MGAT4C: variants seen among roughly 807,000 people sequenced by gnomAD.
MGAT4C encodes the protein MGAT4 family member C.
In MGAT4C, 19 loss-of-function variants were observed where a neutral mutation model predicts 40.1. The observed-to-expected ratio is 0.47, with a 90% confidence interval of 0.33 to 0.70. The LOEUF (loss-of-function observed/expected upper bound fraction) is 0.70. Among genes scored for constraint, MGAT4C ranks in the 30% least tolerant of loss-of-function variants. The probability of loss-of-function intolerance (pLI) is 0.02; values close to 1 mark genes in which losing one functional copy is unlikely to be tolerated. For missense variants in MGAT4C, 491 were observed against 563.2 expected (o/e 0.87, Z 1.30); for synonymous variants, 181 against 187.1 (o/e 0.97, Z 0.27).
intron 1 of MGAT4C, among the ~76,000 whole-genome samples, chr12:86,055,018 C>A (rs939062906): frequency 3.9e-5 from 6 of 151,936 alleles, no homozygotes; most frequent in African/African-American, 1.2e-4. Flanking sequence ...TAACATCTTT[C>A]TGATCTTTTA....
chr12:86,176,261 C>T (rs1237323747), intron 1 of MGAT4C, among the ~76,000 whole-genome samples: 2 of 152,156 alleles, frequency 1.3e-5, no homozygotes, highest in South Asian at 2.1e-4. Context: ...CATACAGGAT[C>T]GTATGTTCTT....
At chr12:86,771,024 G>A (rs1346175435) in intron 1 of MGAT4C, among the ~76,000 whole-genome samples, 1 of 152,050 alleles carries the variant, frequency 6.6e-6, no homozygotes, top group Non-Finnish European at 1.5e-5. Context: ...GGTCATTAGG[G>A]TGAGTCCTAA....
At chr12:86,631,844 G>A (rs1014178298) in intron 2 of MGAT4C, among the ~76,000 whole-genome samples, 3 of 151,992 alleles carry the variant, frequency 2.0e-5, no homozygotes, top group African/African-American at 7.3e-5. Flanking sequence ...CATAGGCATG[G>A]GCAAGGACTT....
chr12:86,207,380 T>C (rs1010383217), intron 1 of MGAT4C, among the ~76,000 whole-genome samples: 1 of 152,124 alleles, frequency 6.6e-6, no homozygotes, highest in Admixed American at 6.5e-5. Context: ...CCTATCAACC[T>C]GTCATTTAGG....
At chr12:86,770,151 T>C (rs1215488729) in intron 1 of MGAT4C, among the ~76,000 whole-genome samples, 2 of 152,034 alleles carry the variant, frequency 1.3e-5, no homozygotes, top group African/African-American at 4.8e-5. Context: ...AGACTATTTT[T>C]TTTCATAGAA....
At chr12:86,755,888 T>C (rs1951296928) in intron 1 of MGAT4C, among the ~76,000 whole-genome samples, 1 of 152,000 alleles carries the variant, frequency 6.6e-6, no homozygotes, top group African/African-American at 2.4e-5. Context: ...ACTCAAGCAA[T>C]TGGCCAGCTT....
At chr12:86,411,222 A>G (rs916205530) in intron 3 of MGAT4C, among the ~76,000 whole-genome samples, 1 of 152,220 alleles carries the variant, frequency 6.6e-6, no homozygotes, top group Non-Finnish European at 1.5e-5. Context: ...CAACTTTGGT[A>G]CTGGGTAATG....
chr12:86,662,157 T>G (rs923705145), intron 2 of MGAT4C, among the ~76,000 whole-genome samples: 4 of 152,160 alleles, frequency 2.6e-5, no homozygotes, highest in Non-Finnish European at 4.4e-5. Flanking sequence ...TAGGCATTAA[T>G]GAGCCCAAGG....
chr12:86,269,469 G>C (rs1952887752), intron 4 of MGAT4C, among the ~76,000 whole-genome samples: 1 of 151,600 alleles, frequency 6.6e-6, no homozygotes, highest in Non-Finnish European at 1.5e-5. Context: ...GTCATAAAAT[G>C]TGATTGTTAG....
chr12:86,712,920 A>T (rs955187995), intron 2 of MGAT4C, among the ~76,000 whole-genome samples: 1 of 152,148 alleles, frequency 6.6e-6, no homozygotes. Context: ...CTATAAGACG[A>T]GTAATAAGCA....
In MGAT4C at chr12:86,394,662, C is replaced by T. The variant is rs1565729590; in HGVS notation, c.-120+40495G>A. 6.6e-5 allele frequency among the ~76,000 whole-genome samples: 9 copies of T among 136,972 alleles called. No homozygotes were observed. In the South Asian group the frequency reaches 1.8e-3, roughly 27 times the overall value. The allele number at this position is 136,972 out of a possible 152,430, so 89.9% of individuals were successfully genotyped here. A position where few individuals can be genotyped will look rare whatever the true frequency, so the allele number is the denominator to read the frequency against. Reference sequence around the variant, plus strand: ...TACTTTTTTTTTTTTGAGACAGAGTCTCTGTCTGTTGCAGTGGTAAGATCT... The same window carrying T: ...TACTTTTTTTTTTTTGAGACAGAGTTTCTGTCTGTTGCAGTGGTAAGATCT... On this transcript the variant is annotated intron_variant, in intron 3 of 7. Coordinates refer to the MGAT4C transcript ENST00000548651.
intron 1 of MGAT4C, among the ~76,000 whole-genome samples, chr12:86,222,278 CTT>C (rs1950910815): frequency 6.6e-6 from 1 of 152,144 alleles, no homozygotes; most frequent in Non-Finnish European, 1.5e-5. Flanking sequence ...TAATGTGTCT[CTT>C]TGTGCAGATA....
intron 2 of MGAT4C, among the ~76,000 whole-genome samples, chr12:86,704,507 C>T (rs949091603): frequency 1.3e-4 from 19 of 151,752 alleles, no homozygotes; most frequent in South Asian, 4.2e-4. Flanking sequence ...GGAAATGTCT[C>T]GGTTAACTTT....
intron 1 of MGAT4C, among the ~76,000 whole-genome samples, chr12:86,110,306 A>AGTC (rs376885011): frequency 1.7e-3 from 26 of 15,174 alleles, no homozygotes; most frequent in South Asian, 3.6e-3. Context: ...CTCTCTATAT[A>AGTC]TATATATATA....
rs1320627343 is a variant in MGAT4C, at chr12:85,957,452, G to A, written c.*21837C>T. The A allele has an allele frequency of 6.6e-6, 1 of 152,062 alleles. No homozygotes were observed. Among genetic ancestry groups the A allele is most frequent in the Non-Finnish European group, 1.5e-5 (1 of 68,012 alleles). The allele number at this position is 152,062 out of a possible 1,614,324, so 9.4% of individuals were successfully genotyped here. A position where few individuals can be genotyped will look rare whatever the true frequency, so the allele number is the denominator to read the frequency against. On this transcript the variant is annotated 3_prime_UTR_variant, in exon 5 of 5. Transcript: ENST00000611864. ...CATGACATGCATGAACTCTAGCAGT[G>A]GCTAGAAGGAAATTAATGGTTTGGG...
intron 2 of MGAT4C, among the ~76,000 whole-genome samples, chr12:86,000,378 G>C (rs1166257517): frequency 6.6e-6 from 1 of 152,058 alleles, no homozygotes; most frequent in Non-Finnish European, 1.5e-5. Flanking sequence ...TCATGAATGA[G>C]ACACATGTCA....
intron 2 of MGAT4C, among the ~76,000 whole-genome samples, chr12:86,700,170 C>CAGATAGAT (rs1325020496): frequency 7.4e-5 from 10 of 135,806 alleles, no homozygotes; most frequent in African/African-American, 2.3e-4. Flanking sequence ...GACAGACAGA[C>CAGATAGAT]AGACAGACAG....
At chr12:86,304,386 CT>C (rs1186630579) in intron 4 of MGAT4C, among the ~76,000 whole-genome samples, 2 of 150,474 alleles carry the variant, frequency 1.3e-5, no homozygotes, top group African/African-American at 5.0e-5. Flanking sequence ...ACATACTCTA[CT>C]TTCTATCTGA....
chr12:86,485,405 G>A (rs1485311482), intron 2 of MGAT4C, among the ~76,000 whole-genome samples: 1 of 152,094 alleles, frequency 6.6e-6, no homozygotes, highest in Non-Finnish European at 1.5e-5. Context: ...CAGACTTCTG[G>A]AATTGAAAAA....
Sources: gnomAD v4.1 joint callset for allele counts (sites outside exome capture counted in the v4.1 genomes callset) on GRCh38, gnomAD v4.1.1 for gene constraint, MANE v1.5 for transcripts, NCBI Gene and HGNC (gene_info 2026-07-23, HGNC 2026-07-21) for gene names.